ARB2A: variants seen among roughly 807,000 people sequenced by gnomAD.
ARB2A encodes the protein ARB2 cotranscriptional regulator A.
At chr5:93,870,842 G>A in the ARB2A span, among the ~76,000 whole-genome samples, 1 of 152,160 alleles carries the variant, frequency 6.6e-6, no homozygotes, top group Non-Finnish European at 1.5e-5. Flanking sequence ...TTAATATTAT[G>A]AGTGATGAAA....
the ARB2A span, among the ~76,000 whole-genome samples, chr5:93,911,635 C>T: frequency 6.6e-6 from 1 of 151,404 alleles, no homozygotes; most frequent in African/African-American, 2.4e-5. Flanking sequence ...TCACCACACA[C>T]ACACACACAC....
At chr5:93,885,934 A>C in the ARB2A span, among the ~76,000 whole-genome samples, 1 of 151,788 alleles carries the variant, frequency 6.6e-6, no homozygotes, top group Admixed American at 6.6e-5. Flanking sequence ...CCAACAAATG[A>C]TGGCTTAGGT....
At chr5:93,771,855 T>C in the ARB2A span, among the ~76,000 whole-genome samples, 1 of 152,160 alleles carries the variant, frequency 6.6e-6, no homozygotes, top group Non-Finnish European at 1.5e-5. Context: ...TACACTGTTG[T>C]TGGGACTGTA....
chr5:93,811,956 G>T, the ARB2A span, among the ~76,000 whole-genome samples: 10 of 152,092 alleles, frequency 6.6e-5, no homozygotes, highest in African/African-American at 2.4e-4. Flanking sequence ...ATGGCTGGCT[G>T]ACAGATTACA....
the ARB2A span, among the ~76,000 whole-genome samples, chr5:93,860,041 T>C: frequency 6.6e-6 from 1 of 152,082 alleles, no homozygotes; most frequent in African/African-American, 2.4e-5. Flanking sequence ...ACACCTATAA[T>C]CCCAGCACTT....
At chr5:94,094,785 A>G in the ARB2A span, among the ~76,000 whole-genome samples, 1 of 152,208 alleles carries the variant, frequency 6.6e-6, no homozygotes, top group Non-Finnish European at 1.5e-5. Flanking sequence ...TTGTAAGTTC[A>G]GAGGATTCCC....
the ARB2A span, among the ~76,000 whole-genome samples, chr5:93,941,785 C>T: frequency 6.6e-6 from 1 of 152,124 alleles, no homozygotes; most frequent in Non-Finnish European, 1.5e-5. Context: ...AAACCAGGTG[C>T]AGACACAGGT....
At chr5:93,852,347 G>T in the ARB2A span, among the ~76,000 whole-genome samples, 1 of 152,080 alleles carries the variant, frequency 6.6e-6, no homozygotes, top group Non-Finnish European at 1.5e-5. Flanking sequence ...ATAGATTCTG[G>T]ATATTAGCCC....
At chr5:94,059,660 A>G in the ARB2A span, among the ~76,000 whole-genome samples, 12 of 150,244 alleles carry the variant, frequency 8.0e-5, no homozygotes, top group African/African-American at 1.2e-4. Context: ...TTAGAAGCAG[A>G]TAGAGAAAAA....
the ARB2A span, among the ~76,000 whole-genome samples, chr5:93,905,349 C>T: frequency 1.2e-4 from 18 of 151,574 alleles, no homozygotes; most frequent in Non-Finnish European, 1.8e-4. Flanking sequence ...AATTCTAGTA[C>T]GGCAGTGTGG....
the ARB2A span, among the ~76,000 whole-genome samples, chr5:93,689,045 G>A: frequency 1.3e-5 from 2 of 152,164 alleles, no homozygotes; most frequent in East Asian, 3.9e-4. Flanking sequence ...TTTTTACAAG[G>A]CTGAGAAAGC....
the ARB2A span, among the ~76,000 whole-genome samples, chr5:94,044,485 C>T: frequency 6.6e-6 from 1 of 152,096 alleles, no homozygotes; most frequent in Non-Finnish European, 1.5e-5. Context: ...TATCATCGCC[C>T]CTATTCAGCC....
the ARB2A span, among the ~76,000 whole-genome samples, chr5:93,658,976 C>G: frequency 6.6e-6 from 1 of 151,640 alleles, no homozygotes; most frequent in Non-Finnish European, 1.5e-5. Flanking sequence ...GTGGGGATAA[C>G]TAAGATACAC....
the ARB2A span, among the ~76,000 whole-genome samples, chr5:94,032,076 G>A: frequency 2.0e-5 from 3 of 152,160 alleles, no homozygotes; most frequent in Admixed American, 2.0e-4. Flanking sequence ...ATGCAGGAAT[G>A]GAGCCCCAAC....
the ARB2A span, among the ~76,000 whole-genome samples, chr5:93,965,798 G>A: frequency 3.3e-5 from 5 of 152,004 alleles, no homozygotes; most frequent in Admixed American, 2.6e-4. Flanking sequence ...CTTTGGTGCT[G>A]TATTCGTAAT....
At chr5:94,015,176 G>A in the ARB2A span, among the ~76,000 whole-genome samples, 2 of 152,058 alleles carry the variant, frequency 1.3e-5, no homozygotes, top group African/African-American at 4.8e-5. Flanking sequence ...ACATGTAAAA[G>A]AGCTCCAAGT....
At chr5:93,889,502 C>A in the ARB2A span, among the ~76,000 whole-genome samples, 23 of 151,878 alleles carry the variant, frequency 1.5e-4, no homozygotes, top group East Asian at 4.4e-3. Flanking sequence ...TTCTTTGTAA[C>A]CTTTTAAATG....
chr5:93,966,501 A>G, the ARB2A span, among the ~76,000 whole-genome samples: 1 of 152,136 alleles, frequency 6.6e-6, no homozygotes, highest in Non-Finnish European at 1.5e-5. Context: ...ACGATAGAGC[A>G]AGTCTGGAAT....
chr5:93,996,201 C>G, the ARB2A span, among the ~76,000 whole-genome samples: 1 of 151,766 alleles, frequency 6.6e-6, no homozygotes, highest in African/African-American at 2.4e-5. Flanking sequence ...GTATGTCTAC[C>G]TAAATATATA....
Sources: gnomAD v4.1 joint callset for allele counts (sites outside exome capture counted in the v4.1 genomes callset) on GRCh38, gnomAD v4.1.1 for gene constraint, MANE v1.5 for transcripts, NCBI Gene and HGNC (gene_info 2026-07-23, HGNC 2026-07-21) for gene names.